SCP2: variants seen among roughly 807,000 people sequenced by gnomAD.
The protein encoded by SCP2 is SCP-2/3-oxoacyl-CoA thiolase.
Under a neutral mutation model 71.4 loss-of-function variants are expected in SCP2, and 48 were observed. The ratio of observed to expected loss-of-function variants is 0.67; its 90% CI spans 0.53 to 0.86. The LOEUF is 0.86. SCP2 is among the 40% of genes least tolerant of loss of function. SCP2 has a pLI of 0.00. For missense variants in SCP2, 560 were observed against 655.6 expected (o/e 0.85, Z 1.59); for synonymous variants, 220 against 218.1 (o/e 1.01, Z -0.08).
At chr1:53,022,136 C>T (rs75470315) in intron 12 of SCP2, among the ~76,000 whole-genome samples, 5,716 of 152,318 alleles carry the variant, frequency 0.038, 229 homozygotes, top group East Asian at 0.21. Context: ...AGTAATCCCT[C>T]CTTCTTGCAG....
intron 6 of SCP2, among the ~76,000 whole-genome samples, chr1:52,970,113 C>T (rs1572109687): frequency 6.6e-6 from 1 of 151,964 alleles, no homozygotes; most frequent in African/African-American, 2.4e-5. Context: ...TCATTTTTTA[C>T]CCAAGAATTA....
chr1:52,991,201 C>G (rs995253525), intron 11 of SCP2, among the ~76,000 whole-genome samples: 2 of 152,088 alleles, frequency 1.3e-5, no homozygotes, highest in Admixed American at 6.5e-5. Context: ...AATATAGTAC[C>G]TACCTTATAA....
intron 13 of SCP2, among the ~76,000 whole-genome samples, chr1:53,035,305 A>C (rs992275101): frequency 2.0e-5 from 3 of 152,140 alleles, no homozygotes; most frequent in African/African-American, 4.8e-5. Flanking sequence ...CTGGCCATAA[A>C]ATTTAATGCA....
chr1:53,016,643 A>G lies in SCP2; in HGVS notation c.1235+1600A>G, dbSNP rs79567347. Among the ~76,000 whole-genome samples the G allele has an allele frequency of 7.0e-3, 1,063 of 152,296 alleles. 17 individuals carry two copies. Among genetic ancestry groups the G allele is most frequent in the African/African-American group, 0.025 (1,023 of 41,562 alleles). ...GGCATTCCAAGTCTGTACAATAGGT[A>G]TAGAAATTTGAAAATACAAGGAGGT... is the stretch of plus-strand genomic sequence containing the variant. On this transcript the variant is annotated intron_variant, in intron 12 of 15. Transcript: ENST00000371514.
At chr1:53,025,866 A>G (rs1044289258) in intron 12 of SCP2, among the ~76,000 whole-genome samples, 4 of 152,146 alleles carry the variant, frequency 2.6e-5, no homozygotes, top group Non-Finnish European at 4.4e-5. Flanking sequence ...CAAATTCCCT[A>G]CTTTGGCCTG....
chr1:53,047,849 C>A lies in SCP2; in HGVS notation c.1469-9C>A. The A allele has an allele frequency of 6.3e-7, 1 of 1,597,644 alleles. No homozygotes were observed. The highest frequency in any genetic ancestry group is 8.6e-7 in the Non-Finnish European group (1 of 1,164,972). On this transcript the variant is annotated splice_polypyrimidine_tract_variant and intron_variant, in intron 14 of 15. Transcript: ENST00000371514. ...TATTCTCCTTCCTTCTCCTGTGTAT[C>A]TGTTTTAGATAAGAAGGCTGACTGC...
chr1:53,035,971 G>GA (rs1662903354), intron 13 of SCP2, among the ~76,000 whole-genome samples: 1 of 136,286 alleles, frequency 7.3e-6, no homozygotes, highest in Non-Finnish European at 1.5e-5. Context: ...AGTGAGCCGA[G>GA]ATCAGGCCAC....
At chr1:53,021,943 C>T (rs1661779668) in intron 12 of SCP2, among the ~76,000 whole-genome samples, 1 of 152,218 alleles carries the variant, frequency 6.6e-6, no homozygotes, top group Admixed American at 6.5e-5. Flanking sequence ...CCATGCCCGG[C>T]CTCATCAACC....
chr1:52,951,554 C>T (rs1406678552), intron 4 of SCP2, among the ~76,000 whole-genome samples: 2 of 101,130 alleles, frequency 2.0e-5, no homozygotes, highest in Admixed American at 1.2e-4. Context: ...GAGACTGTCT[C>T]TAAAAAAAAA....
chr1:52,979,224 C>T (rs527870957), intron 9 of SCP2, among the ~76,000 whole-genome samples: 20 of 151,936 alleles, frequency 1.3e-4, no homozygotes, highest in African/African-American at 4.3e-4. Context: ...CAGGCTGGAG[C>T]GTGGTGGTGC....
At chr1:53,003,031 C>A (rs187444189) in intron 11 of SCP2, among the ~76,000 whole-genome samples, 1 of 152,148 alleles carries the variant, frequency 6.6e-6, no homozygotes, top group Non-Finnish European at 1.5e-5. Flanking sequence ...TCCTCCAGGC[C>A]ACCCATCCTT....
chr1:52,982,495 G>A (rs530150149), intron 10 of SCP2, among the ~76,000 whole-genome samples: 1 of 152,180 alleles, frequency 6.6e-6, no homozygotes, highest in African/African-American at 2.4e-5. Flanking sequence ...GCGTGAACCT[G>A]GGAGGCGGAG....
At chr1:53,026,902 G>C (rs1366200604) in intron 12 of SCP2, among the ~76,000 whole-genome samples, 2 of 151,574 alleles carry the variant, frequency 1.3e-5, no homozygotes, top group Non-Finnish European at 2.9e-5. Flanking sequence ...GAGAGGAGAG[G>C]GGTAGAAAAA....
chr1:53,025,050 C>T (rs981506939), intron 12 of SCP2, among the ~76,000 whole-genome samples: 9 of 152,274 alleles, frequency 5.9e-5, no homozygotes, highest in Admixed American at 5.9e-4. Context: ...CTATTTCCCT[C>T]TTCTATTCAC....
rs1553145893 is a variant in SCP2, at chr1:52,960,518, GTA to G, written c.397-981_397-980del. Among the ~76,000 whole-genome samples, 261 of 116,176 alleles carry G rather than the reference GTA, an allele frequency of 2.2e-3. 2 individuals are homozygous for G. The highest frequency in any genetic ancestry group is 7.4e-3 in the African/African-American group (220 of 29,772). The allele number at this position is 116,176 out of a possible 152,430, so 76.2% of individuals were successfully genotyped here. On this transcript the variant is annotated intron_variant, in intron 5 of 15. Transcript: ENST00000371514. Reference sequence around the variant, plus strand: ...TGTGTGTGTGTGTGTGTGTGTGTGTGTATATGTGTGTATATATATGTATGTAT... The same window carrying G: ...TGTGTGTGTGTGTGTGTGTGTGTGTGTATGTGTGTATATATATGTATGTAT...
rs1660404743 is a variant in SCP2, at chr1:53,002,889, A to G, written c.1082-12001A>G. Among the ~76,000 whole-genome samples, 3 of 152,320 alleles carry G rather than the reference A, an allele frequency of 2.0e-5. No homozygotes were observed. In the South Asian group the frequency reaches 6.2e-4, roughly 32 times the overall value. ...CCATGGCTTATCTCGTCTACTCTGT[A>G]AGAGGTTGCCAAAATAAATCCTAGG... On this transcript the variant is annotated intron_variant, in intron 11 of 15. Coordinates refer to ENST00000371514, the MANE Select transcript of SCP2 (RefSeq NM_002979.5).
intron 8 of SCP2, 33 bp from the exon 9 acceptor site, chr1:52,978,175 AGGTGCTACT>A: frequency 2.5e-6 from 4 of 1,597,716 alleles, no homozygotes; most frequent in Non-Finnish European, 3.4e-6. Context: ...TCCTCCGATC[AGGTGCTACT>A]GGGTGTGGAG....
At chr1:53,009,461 G>A (rs140396709) in intron 11 of SCP2, among the ~76,000 whole-genome samples, 7,483 of 152,130 alleles carry the variant, frequency 0.049, 574 homozygotes, top group African/African-American at 0.17. Context: ...AGAGCCCTGA[G>A]AAATAATACC....
chr1:53,001,347 A>G (rs1660304147), intron 11 of SCP2, among the ~76,000 whole-genome samples: 1 of 152,162 alleles, frequency 6.6e-6, no homozygotes, highest in African/African-American at 2.4e-5. Flanking sequence ...TTTTGCCAGC[A>G]TTTCTATCTA....
Sources: gnomAD v4.1 joint callset for allele counts (sites outside exome capture counted in the v4.1 genomes callset) on GRCh38, gnomAD v4.1.1 for gene constraint, MANE v1.5 for transcripts, NCBI Gene and HGNC (gene_info 2026-07-23, HGNC 2026-07-21) for gene names.